RGS5: variants seen among roughly 807,000 people sequenced by gnomAD.
The protein encoded by RGS5 is regulator of G-protein signalling 5.
A neutral mutation model predicts 18.9 loss-of-function variants in RGS5; 20 were observed. That is an observed-to-expected ratio of 1.06 (90% CI 0.74 to 1.54). The LOEUF (loss-of-function observed/expected upper bound fraction) is 1.54, where lower values mean the gene tolerates loss of function less well. Among genes scored for constraint, RGS5 ranks in the 40% most tolerant of loss-of-function variants. RGS5 has a pLI of 0.00. For synonymous variants in RGS5, 57 were observed against 76.2 expected (o/e 0.75, Z 1.31); for missense variants, 201 against 211.8 (o/e 0.95, Z 0.32).
rs560998155 is a variant in RGS5, at chr1:163,236,997, A to G, written c.-280-68629T>C. On this transcript the variant is annotated intron_variant, in intron 2 of 5. Coordinates refer to the RGS5 transcript ENST00000618415. ...AAGATGGCCAATGAACATAAGAAAA[A>G]GGGTTCAACATCATTAGGTGTCAAA... Among the ~76,000 whole-genome samples the G allele has an allele frequency of 3.3e-5, 5 of 152,240 alleles. No individual in the cohort carries two copies. The East Asian group carries it at 5.8e-4, about 18-fold the overall frequency.
At chr1:163,299,348 A>G (rs61812189) in intron 2 of RGS5, among the ~76,000 whole-genome samples, 1,541 of 152,254 alleles carry the variant, frequency 0.01, 11 homozygotes, top group Admixed American at 0.016. Flanking sequence ...TGTCTTTTCC[A>G]AATTTTGAGG....
upstream of RGS5, among the ~76,000 whole-genome samples, chr1:163,221,223 C>T (rs1056826859): frequency 8.5e-5 from 13 of 152,156 alleles, no homozygotes; most frequent in South Asian, 4.1e-4. Flanking sequence ...AGAGACCGGG[C>T]GCGGTGGCTC....
intron 2 of RGS5, among the ~76,000 whole-genome samples, chr1:163,287,936 T>C (rs1649184524): frequency 6.6e-6 from 1 of 152,232 alleles, no homozygotes; most frequent in Non-Finnish European, 1.5e-5. Flanking sequence ...TGCACTGCAT[T>C]CCCTGAAGGG....
In RGS5 at chr1:163,146,989, A is replaced by G. The variant is rs79999206; in HGVS notation, c.*353T>C. 8,475 of 165,416 alleles carry G rather than the reference A, an allele frequency of 0.051. 328 individuals are homozygous for G. The highest frequency in any genetic ancestry group is 0.078 in the Middle Eastern group (29 of 374). 10.2% of individuals were successfully genotyped at this position (165,416 alleles called of 1,614,324 possible). On this transcript the variant is annotated 3_prime_UTR_variant, in exon 5 of 5. Coordinates refer to ENST00000313961, the MANE Select transcript of RGS5 (RefSeq NM_003617.4). ...ACACTTAATATTCTTTTTTAGACCA[A>G]TTTAGCTGGAAATCTATTACTTAAC...
chr1:163,306,938 G>A (rs1649716681), intron 1 of RGS5, among the ~76,000 whole-genome samples: 1 of 152,188 alleles, frequency 6.6e-6, no homozygotes, highest in Admixed American at 6.5e-5. Flanking sequence ...AGGACTGTGA[G>A]ACAATGAATT....
chr1:163,148,567 T>G (rs1657248875), intron 4 of RGS5, among the ~76,000 whole-genome samples: 2 of 152,194 alleles, frequency 1.3e-5, no homozygotes, highest in African/African-American at 4.8e-5. Flanking sequence ...GTTACATGAT[T>G]TACTCAAAGT....
upstream of RGS5, among the ~76,000 whole-genome samples, chr1:163,207,713 T>C (rs1659982746): frequency 6.6e-6 from 1 of 151,958 alleles, no homozygotes; most frequent in Non-Finnish European, 1.5e-5. Flanking sequence ...AAACTAAAAA[T>C]GGGAGAAAGA....
intron 2 of RGS5, among the ~76,000 whole-genome samples, chr1:163,165,842 G>T (rs1359958472): frequency 6.6e-6 from 1 of 151,916 alleles, no homozygotes; most frequent in African/African-American, 2.4e-5. Context: ...GGAGGTGGAG[G>T]TTGCGGTGAG....
chr1:163,209,362 T>C (rs537985070), intron 1 of RGS5, among the ~76,000 whole-genome samples: 1 of 152,316 alleles, frequency 6.6e-6, no homozygotes, highest in East Asian at 1.9e-4. Flanking sequence ...TTCATGTATA[T>C]CCATTCTTTT....
At position 163,152,692 on chromosome 1, in the gene RGS5, A is replaced by G; in HGVS notation, c.242T>C (p.Phe81Ser). ...NNYGLASFKSFLKSEFSEENL... is the reference protein window; with the variant it reads ...NNYGLASFKSSLKSEFSEENL... ...TTCCTCACTGAATTCAGACTTCAGG[A>G]AACTTTTGAAACTGGCAAGTCCATC... Residue 81 changes from phenylalanine to serine, a missense_variant, in exon 4 of 5, where the codon TTC (phenylalanine) becomes TCC (serine). Physicochemically the swap from Phe to Ser is radical, Grantham distance 155. Coordinates refer to ENST00000313961, the MANE Select transcript of RGS5 (RefSeq NM_003617.4). 6.3e-7 allele frequency: 1 copy of G among 1,597,420 alleles called. No homozygotes were observed. The highest frequency in any genetic ancestry group is 8.5e-7 in the Non-Finnish European group (1 of 1,174,244).
Position 163,161,971 on chromosome 1 carries a change from G to A in RGS5, c.161C>T (p.Ser54Leu), listed in dbSNP as rs1239832135. Residue 54 changes from serine (S) to leucine (L), a missense_variant, in exon 3 of 5, where the codon TCG becomes TTG. Transcript: ENST00000313961. ...ACGCCACTGCAGGGCCTCGTCCAGC[G>A]AGGTTCTACATCAATAATAAGGAGA... is the stretch of plus-strand genomic sequence containing the variant. Reference protein sequence around the residue: ...PEKPAKTQKTSLDEALQWRDS... With the variant: ...PEKPAKTQKTLLDEALQWRDS... The A allele has an allele frequency of 1.6e-5, 26 of 1,612,330 alleles. No homozygotes were observed. The highest frequency in any genetic ancestry group is 2.2e-5 in the Non-Finnish European group (26 of 1,178,684).
intron 1 of RGS5, among the ~76,000 whole-genome samples, chr1:163,310,718 T>C (rs1456974118): frequency 7.2e-5 from 11 of 152,184 alleles, no homozygotes; most frequent in Admixed American, 1.3e-4. Context: ...GCTTCTGCCT[T>C]AGCACTTGCT....
intron 2 of RGS5, among the ~76,000 whole-genome samples, chr1:163,282,328 T>C (rs1457165986): frequency 1.3e-5 from 2 of 152,152 alleles, no homozygotes; most frequent in African/African-American, 4.8e-5. Flanking sequence ...AACAAGTATA[T>C]TTTAAAATGT....
intron 2 of RGS5, among the ~76,000 whole-genome samples, chr1:163,278,536 A>G (rs1164290856): frequency 6.6e-6 from 1 of 152,168 alleles, no homozygotes; most frequent in Non-Finnish European, 1.5e-5. Context: ...CAGAAGTATT[A>G]ACTCACTGGT....
intron 2 of RGS5, among the ~76,000 whole-genome samples, chr1:163,273,313 T>C (rs964701517): frequency 5.9e-5 from 9 of 152,288 alleles, no homozygotes; most frequent in Non-Finnish European, 8.8e-5. Context: ...AGGCATTCTA[T>C]CAATTATTAA....
chr1:163,297,263 C>A (rs1649444254), intron 2 of RGS5, among the ~76,000 whole-genome samples: 1 of 152,128 alleles, frequency 6.6e-6, no homozygotes, highest in African/African-American at 2.4e-5. Flanking sequence ...GTGCTGTGTG[C>A]TGAAGAGGGC....
At position 163,145,222 on chromosome 1, in the gene RGS5, T is replaced by C. The variant is rs530627167; in HGVS notation, c.*2120A>G. The C allele has an allele frequency of 8.5e-5, 13 of 152,304 alleles. No individual in the cohort carries two copies. Among genetic ancestry groups the C allele is most frequent in the Non-Finnish European group, 1.6e-4 (11 of 68,030 alleles). 9.4% of individuals were successfully genotyped at this position (152,304 alleles called of 1,614,324 possible). On this transcript the variant is annotated 3_prime_UTR_variant, in exon 5 of 5. Coordinates refer to ENST00000313961, the MANE Select transcript of RGS5 (RefSeq NM_003617.4). The stretch of plus-strand genomic sequence containing the variant: ...TCAACCCTCTAGGTGAGATCTGTAA[T>C]AGCTAGTTAATTATCTGGGAATTTT...
Position 163,161,959 on chromosome 1 carries a change from G to A in RGS5, c.173C>T (p.Ala58Val). 6.2e-7 allele frequency: 1 copy of A among 1,613,042 alleles called. No individual in the cohort carries two copies. Among genetic ancestry groups the A allele is most frequent in the Non-Finnish European group, 8.5e-7 (1 of 1,179,164 alleles). ...AKTQKTSLDE[A>V]LQWRDSLDKL... ...GTCCAGGGAATCACGCCACTGCAGG[G>A]CCTCGTCCAGCGAGGTTCTACATCA... The change falls in exon 3 of 5, where the codon GCC becomes GTC. Residue 58 changes from alanine to valine, a missense_variant. By Grantham distance (64) the Ala-to-Val change is moderately conservative. Coordinates refer to ENST00000313961, the MANE Select transcript of RGS5 (RefSeq NM_003617.4).
At chr1:163,289,649 TA>T (rs1649230447) in intron 2 of RGS5, among the ~76,000 whole-genome samples, 2 of 152,172 alleles carry the variant, frequency 1.3e-5, no homozygotes, top group South Asian at 4.1e-4. Context: ...TTTTATAGTT[TA>T]AAATGCTATG....
Sources: gnomAD v4.1 joint callset for allele counts (sites outside exome capture counted in the v4.1 genomes callset) on GRCh38, gnomAD v4.1.1 for gene constraint, MANE v1.5 for transcripts, NCBI Gene and HGNC (gene_info 2026-07-23, HGNC 2026-07-21) for gene names.